Variants in TCERG1 observed in about 807,000 individuals in gnomAD.
TCERG1 encodes the protein TATA box binding protein (TBP)-associated factor, RNA polymerase II, S, 150kD.
A neutral mutation model predicts 144.7 loss-of-function variants in TCERG1; 37 were observed. That is an observed-to-expected ratio of 0.26 (90% CI 0.20 to 0.34). TCERG1 has a LOEUF of 0.34. Ranked by LOEUF, TCERG1 falls within the 10% of genes least tolerant of loss-of-function variation. TCERG1 has a pLI of 1.00. For synonymous variants in TCERG1, 492 were observed against 458.2 expected (o/e 1.07, Z -0.94); for missense variants, 1,027 against 1,380.7 (o/e 0.74, Z 4.06).
rs149162081 is a variant in TCERG1, at chr5:146,469,112, A to T, written c.1199-432A>T. Among the ~76,000 whole-genome samples the T allele has an allele frequency of 3.3e-5, 5 of 152,266 alleles. No individual in the cohort carries two copies. In the East Asian group the frequency reaches 9.6e-4, roughly 29 times the overall value. On this transcript the variant is annotated intron_variant, in intron 6 of 22. Transcript: ENST00000679501. Reference sequence around the variant, plus strand: ...ATTTGCTATAAAACTGAGAATATTCATACCCTTTTAGTTACCTTAAAATTA... The same window carrying T: ...ATTTGCTATAAAACTGAGAATATTCTTACCCTTTTAGTTACCTTAAAATTA...
In TCERG1 at chr5:146,510,655, T is replaced by A. The variant is rs1768388582; in HGVS notation, c.*13T>A. 2.5e-6 allele frequency: 4 copies of A among 1,606,562 alleles called. No individual in the cohort carries two copies. In the East Asian group the frequency reaches 8.9e-5, roughly 36 times the overall value. The stretch of plus-strand genomic sequence containing the variant: ...ATCAACAAAATAATTCTAAATACTC[T>A]TCCATAGGGGCATCTATTCAAAATG... On this transcript the variant is annotated 3_prime_UTR_variant, in exon 23 of 23. Coordinates refer to ENST00000679501, the MANE Select transcript of TCERG1 (RefSeq NM_001382548.1).
At chr5:146,475,996 C>G (rs920308864) in intron 9 of TCERG1, among the ~76,000 whole-genome samples, 1 of 152,066 alleles carries the variant, frequency 6.6e-6, no homozygotes, top group African/African-American at 2.4e-5. Context: ...AAGCCTCTTG[C>G]GCTAACTTTT....
At position 146,464,350 on chromosome 5, in the gene TCERG1, C is replaced by G. The variant is rs745612442; in HGVS notation, c.1135+557C>G. On this transcript the variant is annotated intron_variant, in intron 5 of 22. Transcript: ENST00000679501. The stretch of plus-strand genomic sequence containing the variant: ...TAAGCTTTTAATAACTATGTTAATA[C>G]TGGGAAGAAAATGTGAGTGATTTAA... Among the ~76,000 whole-genome samples, 3 of 152,134 alleles carry G rather than the reference C, an allele frequency of 2.0e-5. No individual in the cohort carries two copies. The South Asian group carries it at 6.2e-4, about 31-fold the overall frequency.
rs935336330 is a variant in TCERG1, at chr5:146,480,407, T to G, written c.1886+313T>G. 1.1e-4 allele frequency: 21 copies of G among 192,172 alleles called. 2 individuals are homozygous for G. The East Asian group carries it at 1.6e-3, about 15-fold the overall frequency. 11.9% of individuals were successfully genotyped at this position (192,172 alleles called of 1,614,324 possible). ...GTTTCCTCCCTCATTTAGACCCCAA[T>G]GGATACCATTCCAGAGATCTCATAA... On this transcript the variant is annotated intron_variant, in intron 12 of 22. Coordinates refer to ENST00000679501, the MANE Select transcript of TCERG1 (RefSeq NM_001382548.1).
intron 16 of TCERG1, among the ~76,000 whole-genome samples, chr5:146,493,473 A>T (rs1377518894): frequency 6.6e-6 from 1 of 152,092 alleles, no homozygotes; most frequent in East Asian, 1.9e-4. Flanking sequence ...TATGTATTAA[A>T]TACATGTAAT....
chr5:146,468,236 G>T, intron 5 of TCERG1, 105 bp from the exon 6 acceptor site: 3 of 921,120 alleles, frequency 3.3e-6, no homozygotes, highest in Non-Finnish European at 4.6e-6. Flanking sequence ...TTTTTCATTG[G>T]AAATAGCATT....
chr5:146,453,589 A>G (rs553223578), intron 1 of TCERG1, among the ~76,000 whole-genome samples: 16 of 152,304 alleles, frequency 1.1e-4, no homozygotes, highest in South Asian at 4.1e-4. Context: ...TGATCTGGCA[A>G]TGCCCTGTAT....
Position 146,482,637 on chromosome 5 carries a change from G to A in TCERG1, c.1983G>A (p.Met661Ile). ...TTGACTCAGAGAAAGAAGCTGCCATGGAAGCTGAAATTAAAGCTGCCCGAG... is the reference window on the plus strand; with the variant it reads ...TTGACTCAGAGAAAGAAGCTGCCATAGAAGCTGAAATTAAAGCTGCCCGAG... ...KDIDSEKEAAMEAEIKAARER... is the reference protein window; with the variant it reads ...KDIDSEKEAAIEAEIKAARER... Residue 661 changes from methionine to isoleucine, a missense_variant, in exon 14 of 23, where the codon ATG (methionine) becomes ATA (isoleucine). Physicochemically the swap from Met to Ile is conservative, Grantham distance 10. This residue lies in a region of TCERG1 where 482 missense variants were observed against 632.6 expected (regional missense o/e 0.76). Coordinates refer to ENST00000679501, the MANE Select transcript of TCERG1 (RefSeq NM_001382548.1). 3 of 1,613,162 alleles carry A rather than the reference G, an allele frequency of 1.9e-6. No individual in the cohort carries two copies. Among genetic ancestry groups the A allele is most frequent in the Non-Finnish European group, 2.5e-6 (3 of 1,179,436 alleles).
chr5:146,452,412 C>G (rs1265122815), intron 1 of TCERG1, among the ~76,000 whole-genome samples: 1 of 152,020 alleles, frequency 6.6e-6, no homozygotes, highest in Non-Finnish European at 1.5e-5. Context: ...GCATACGCTA[C>G]TTGTAAGGTA....
chr5:146,503,753 A>G, intron 18 of TCERG1, 71 bp from the exon 19 acceptor site: 2 of 1,498,064 alleles, frequency 1.3e-6, no homozygotes, highest in Non-Finnish European at 1.8e-6. Context: ...TTATTTGGCA[A>G]GCTAGTTATT....
At chr5:146,456,108 G>A (rs531923990) in intron 2 of TCERG1, among the ~76,000 whole-genome samples, 1 of 152,324 alleles carries the variant, frequency 6.6e-6, no homozygotes, top group South Asian at 2.1e-4. Flanking sequence ...TGCCATTTAA[G>A]TGATGTTAAT....
chr5:146,460,385 C>T (rs967241147), intron 4 of TCERG1, among the ~76,000 whole-genome samples: 6 of 148,830 alleles, frequency 4.0e-5, no homozygotes, highest in Admixed American at 2.0e-4. Flanking sequence ...TTGCTCCTTA[C>T]TCTGCAGGTT....
chr5:146,469,994 A>G (rs957472346), intron 7 of TCERG1, among the ~76,000 whole-genome samples: 17 of 152,096 alleles, frequency 1.1e-4, no homozygotes, highest in Admixed American at 9.8e-4. Context: ...ACATATTTTT[A>G]CTGTTAGGAA....
chr5:146,491,205 T>C (rs1766386346), intron 15 of TCERG1, among the ~76,000 whole-genome samples: 1 of 151,986 alleles, frequency 6.6e-6, no homozygotes, highest in South Asian at 2.1e-4. Context: ...CAGGCTGGTC[T>C]TGAACTCCTG....
intron 4 of TCERG1, 75 bp from the exon 5 acceptor site, chr5:146,463,476 T>C (rs1763514367): frequency 1.3e-6 from 2 of 1,585,342 alleles, no homozygotes; most frequent in African/African-American, 1.3e-5. Context: ...AATTACTGAA[T>C]GTGTAAATGA....
intron 1 of TCERG1, among the ~76,000 whole-genome samples, chr5:146,448,061 C>T (rs1200343071): frequency 6.6e-6 from 1 of 152,232 alleles, no homozygotes; most frequent in Non-Finnish European, 1.5e-5. Context: ...AGGTTTGTCT[C>T]ATTTAATCCT....
intron 16 of TCERG1, among the ~76,000 whole-genome samples, chr5:146,493,818 A>C (rs1393918658): frequency 6.6e-6 from 1 of 152,024 alleles, no homozygotes; most frequent in South Asian, 2.1e-4. Context: ...TTTATGACTT[A>C]GATGTAAGAG....
intron 9 of TCERG1, among the ~76,000 whole-genome samples, chr5:146,477,931 G>C (rs1765006138): frequency 6.6e-6 from 1 of 151,940 alleles, no homozygotes; most frequent in African/African-American, 2.4e-5. Flanking sequence ...TCAAACTCCT[G>C]AGCTCAAGTG....
At chr5:146,472,749 T>C (rs909609311) in intron 9 of TCERG1, among the ~76,000 whole-genome samples, 3 of 142,464 alleles carry the variant, frequency 2.1e-5, no homozygotes, top group African/African-American at 7.8e-5. Flanking sequence ...AGTCTTGCTC[T>C]GTCGCCCAGG....
Sources: gnomAD v4.1 joint callset for allele counts (sites outside exome capture counted in the v4.1 genomes callset) on GRCh38, gnomAD v4.1.1 for gene constraint, gnomAD v4.1.1 regional missense constraint, MANE v1.5 for transcripts, NCBI Gene and HGNC (gene_info 2026-07-23, HGNC 2026-07-21) for gene names.